Variants in WDR53 observed in about 807,000 individuals in gnomAD.
WDR53 encodes the protein WD repeat-containing protein 53.
A neutral mutation model predicts 21.3 loss-of-function variants in WDR53; 19 were observed. The observed-to-expected ratio is 0.89, with a 90% CI of 0.62 to 1.31. The LOEUF is 1.31. Among genes scored for constraint, WDR53 ranks in the 50% most tolerant of loss-of-function variants. The pLI is 0.00. For synonymous variants in WDR53, 157 were observed against 163.4 expected, an observed-to-expected ratio of 0.96 and a Z score of 0.30; for missense variants, 374 against 423.2, an observed-to-expected ratio of 0.88 and a Z score of 1.02.
At chr3:196,555,569 T>A (rs563915796) in intron 3 of WDR53, among the ~76,000 whole-genome samples, 11 of 152,364 alleles carry the variant, frequency 7.2e-5, no homozygotes, top group African/African-American at 2.6e-4. Context: ...GGGTTTTACA[T>A]TATCATCTAG....
At chr3:196,556,875 G>A (rs143218853) in intron 3 of WDR53, among the ~76,000 whole-genome samples, 8 of 152,220 alleles carry the variant, frequency 5.3e-5, no homozygotes, top group Non-Finnish European at 8.8e-5. Flanking sequence ...TCATCTAAAT[G>A]TGTTAACAGC....
Position 196,561,245 on chromosome 3 carries a change from T to C in WDR53, c.231A>G (p.Val77=). 6.2e-7 allele frequency: 1 copy of C among 1,614,214 alleles called. No homozygotes were observed. The highest frequency in any genetic ancestry group is 8.5e-7 in the Non-Finnish European group (1 of 1,180,042). ...LYASHGETIS[V]LDVRSLKDSL... Reference sequence around the variant, plus strand: ...AATCTTTGAGGGACCTGACATCCAGTACACTAATGGTTTCTCCATGTGAGG... The same window carrying C: ...AATCTTTGAGGGACCTGACATCCAGCACACTAATGGTTTCTCCATGTGAGG... The change falls in exon 3 of 4, where the codon GTA becomes GTG. Residue 77 remains valine, a synonymous_variant. Transcript: ENST00000332629.
chr3:196,559,782 T>C (rs1301955884), intron 3 of WDR53, among the ~76,000 whole-genome samples: 1 of 152,122 alleles, frequency 6.6e-6, no homozygotes, highest in Non-Finnish European at 1.5e-5. Context: ...ATACCTGTCA[T>C]CTTAGAGAAA....
rs1228989464 is a variant in WDR53 at position 196,554,429 on chromosome 3, T to C, written c.859A>G (p.Arg287Gly). The C allele has an allele frequency of 6.2e-7, 1 of 1,614,222 alleles. No homozygotes were observed. Among genetic ancestry groups the C allele is most frequent in the Non-Finnish European group, 8.5e-7 (1 of 1,180,034 alleles). The change falls in exon 4 of 4, where the codon AGG (arginine) becomes GGG (glycine). Residue 287 changes from arginine to glycine, a missense_variant. Transcript: ENST00000332629. ...KQKSPTKRTH[R>G]KKPKRGTCTK... is the part of the protein sequence containing the mutation. ...CAAGTTCCTCTTTTAGGTTTCTTCC[T>C]GTGGGTACGTTTTGTGGGACTCTTC... is the stretch of plus-strand genomic sequence containing the variant.
chr3:196,559,066 A>G (rs144907771), intron 3 of WDR53, among the ~76,000 whole-genome samples: 10 of 152,340 alleles, frequency 6.6e-5, no homozygotes, highest in African/African-American at 2.2e-4. Flanking sequence ...TGAAAAGTAC[A>G]CATCACTTTT....
chr3:196,562,306 G>A lies in WDR53; in HGVS notation c.-16-815C>T, dbSNP rs1176678302. On this transcript the variant is annotated intron_variant, in intron 2 of 3. Transcript: ENST00000332629. ...GATGGAGTCTCGCTGCCGTTAGCCC[G>A]GGCTGGACTGCAATGGATGATCTCG... is the stretch of plus-strand genomic sequence containing the variant. 3.3e-5 allele frequency among the ~76,000 whole-genome samples: 5 copies of A among 152,114 alleles called. No homozygotes were observed. The South Asian group carries it at 6.2e-4, about 19-fold the overall frequency.
At chr3:196,559,988 C>T (rs1241271842) in intron 3 of WDR53, among the ~76,000 whole-genome samples, 6 of 152,172 alleles carry the variant, frequency 3.9e-5, no homozygotes, top group African/African-American at 1.4e-4. Context: ...ACGACTCACT[C>T]CAGTGATGAG....
chr3:196,567,751 TTGTGTGTGTGTG>T (rs3080583), intron 1 of WDR53, among the ~76,000 whole-genome samples: 22 of 143,666 alleles, frequency 1.5e-4, no homozygotes, highest in Non-Finnish European at 2.7e-4. Context: ...GCTGAAATTC[TTGTGTGTGTGTG>T]TGTGTGTGTG....
chr3:196,560,918 T>C, intron 3 of WDR53, 78 bp downstream of exon 3: 1 of 1,519,614 alleles, frequency 6.6e-7, no homozygotes, highest in African/African-American at 1.4e-5. Flanking sequence ...AGCAAAGATA[T>C]TTCGTGTGAT....
At position 196,567,119 on chromosome 3, in the gene WDR53, T is replaced by C. The variant is rs1284862883; in HGVS notation, c.-259A>G. On this transcript the variant is annotated 5_prime_UTR_variant, in exon 2 of 4. An upstream start codon of the reference 5' UTR is lost. Coordinates refer to ENST00000332629, the MANE Select transcript of WDR53 (RefSeq NM_182627.3). ...AAGGCTGTTCATTCTGTCTAGTTCA[T>C]GATCCCTTTCTCAGATGGATCAACT... is the stretch of plus-strand genomic sequence containing the variant. The C allele has an allele frequency of 1.3e-5, 6 of 456,738 alleles. No homozygotes were observed. The highest frequency in any genetic ancestry group is 2.2e-5 in the Non-Finnish European group (5 of 226,944). The allele number at this position is 456,738 out of a possible 1,614,324, so 28.3% of individuals were successfully genotyped here.
chr3:196,568,334 G>C (rs892969384), intron 1 of WDR53, 185 bp downstream of exon 1: 28 of 152,696 alleles, frequency 1.8e-4, no homozygotes, highest in African/African-American at 6.5e-4. Context: ...AGCAAGGAGA[G>C]AAAAGTTTCA....
chr3:196,556,656 TAAAAAAAAA>T (rs60957596), intron 3 of WDR53, among the ~76,000 whole-genome samples: 2 of 139,656 alleles, frequency 1.4e-5, no homozygotes, highest in East Asian at 4.1e-4. Context: ...ACTCCGTCTT[TAAAAAAAAA>T]AAAAAGAAAA....
Position 196,566,968 on chromosome 3 carries a change from A to G in WDR53, c.-108T>C, listed in dbSNP as rs1735464273. On this transcript the variant is annotated 5_prime_UTR_variant, in exon 2 of 4. It removes an upstream start codon present in the reference 5' UTR. Coordinates refer to ENST00000332629, the MANE Select transcript of WDR53 (RefSeq NM_182627.3). ...AGATTAGTAAGAATGACAACATCGCATCCTTCAAAGGCTCTGCCTCGGCTG... is the reference window on the plus strand; with the variant it reads ...AGATTAGTAAGAATGACAACATCGCGTCCTTCAAAGGCTCTGCCTCGGCTG... 1 of 269,460 alleles carries G rather than the reference A, an allele frequency of 3.7e-6. No individual in the cohort carries two copies. Among genetic ancestry groups the G allele is most frequent in the Non-Finnish European group, 7.5e-6 (1 of 132,684 alleles). 16.7% of individuals were successfully genotyped at this position (269,460 alleles called of 1,614,324 possible).
chr3:196,567,445 C>T, intron 1 of WDR53, 138 bp from the exon 2 acceptor site: 1 of 346,582 alleles, frequency 2.9e-6, no homozygotes, highest in South Asian at 2.2e-5. Context: ...TTACTAGAGA[C>T]TAAGAAATGG....
intron 2 of WDR53, among the ~76,000 whole-genome samples, chr3:196,562,916 T>C (rs1045598122): frequency 6.6e-6 from 1 of 152,204 alleles, no homozygotes; most frequent in African/African-American, 2.4e-5. Context: ...CACTGCAGCC[T>C]TGACCTCCCA....
intron 3 of WDR53, among the ~76,000 whole-genome samples, chr3:196,559,175 C>T (rs1326449634): frequency 6.6e-6 from 1 of 152,238 alleles, no homozygotes; most frequent in Admixed American, 6.5e-5. Context: ...CAAAGACACA[C>T]TGTACAATCT....
Position 196,561,275 on chromosome 3 carries a change from G to C in WDR53, c.201C>G (p.Leu67=), listed in dbSNP as rs753843725. 1.2e-6 allele frequency: 2 copies of C among 1,614,214 alleles called. No homozygotes were observed. Among genetic ancestry groups the C allele is most frequent in the Non-Finnish European group, 8.5e-7 (1 of 1,180,038 alleles). ...VLFSPSCPTK[L]YASHGETISV... ...TAATGGTTTCTCCATGTGAGGCATA[G>C]AGCTTGGTGGGACAGGAGGGAGAAA... The change falls in exon 3 of 4, where the codon CTC becomes CTG. Residue 67 remains leucine (L), a synonymous_variant. Transcript: ENST00000332629.
chr3:196,560,335 T>C (rs1734711171), intron 3 of WDR53, among the ~76,000 whole-genome samples: 1 of 151,562 alleles, frequency 6.6e-6, no homozygotes, highest in Non-Finnish European at 1.5e-5. Context: ...CTCCACCTCC[T>C]GGGTCAAGCG....
In WDR53 at chr3:196,561,140, A is replaced by G. The variant is rs374260410; in HGVS notation, c.336T>C (p.Ala112=). ...GGATTTTGATTGCCCCAGAGTCGTCAGCAGAAGCCAGCAGGTTTTCCGTTT... is the reference window on the plus strand; with the variant it reads ...GGATTTTGATTGCCCCAGAGTCGTCGGCAGAAGCCAGCAGGTTTTCCGTTT... ...LNQTENLLAS[A]DDSGAIKILD... Residue 112 remains alanine, a synonymous_variant, in exon 3 of 4, where the codon GCT becomes GCC. Transcript: ENST00000332629. 1.7e-5 allele frequency: 28 copies of G among 1,614,248 alleles called. No individual in the cohort carries two copies. The highest frequency in any genetic ancestry group is 2.3e-5 in the Non-Finnish European group (27 of 1,180,048).
Sources: allele counts gnomAD v4.1 joint callset (sites outside exome capture counted in the v4.1 genomes callset), GRCh38; gene constraint gnomAD v4.1.1; transcripts MANE v1.5; gene names NCBI Gene and HGNC (gene_info 2026-07-23, HGNC 2026-07-21).